LIMD1: variants seen among roughly 807,000 people sequenced by gnomAD.
The protein encoded by LIMD1 is LIM domain containing 1, also known as LIM domain-containing protein 1.
A neutral mutation model predicts 58.4 loss-of-function variants in LIMD1; 23 were observed. The observed-to-expected ratio is 0.39, with a 90% CI of 0.28 to 0.56. The LOEUF is 0.56. Among genes scored for constraint, LIMD1 ranks in the 20% least tolerant of loss-of-function variants. LIMD1 has a pLI of 0.57. For missense variants in LIMD1, 838 were observed against 855.5 expected, an observed-to-expected ratio of 0.98 and a Z score of 0.25; for synonymous variants, 334 against 345.5, an observed-to-expected ratio of 0.97 and a Z score of 0.37.
intron 2 of LIMD1, among the ~76,000 whole-genome samples, chr3:45,663,897 G>C (rs1362327477): frequency 1.1e-5 from 1 of 90,358 alleles, no homozygotes; most frequent in Non-Finnish European, 2.2e-5. Context: ...TTGAGACAGA[G>C]TCTCCCTCTG....
intron 2 of LIMD1, among the ~76,000 whole-genome samples, chr3:45,636,853 T>C (rs1701793889): frequency 6.6e-6 from 1 of 152,218 alleles, no homozygotes; most frequent in African/African-American, 2.4e-5. Context: ...GGAGTCTGGA[T>C]TGAATGGATG....
intron 4 of LIMD1, 87 bp from the exon 5 acceptor site, chr3:45,672,603 G>A: frequency 6.9e-7 from 1 of 1,455,182 alleles, no homozygotes; most frequent in Non-Finnish European, 9.5e-7. Context: ...GACTGCTCAT[G>A]TAATCCTTAG....
intron 1 of LIMD1, among the ~76,000 whole-genome samples, chr3:45,631,075 A>G (rs1169879011): frequency 6.6e-6 from 1 of 152,118 alleles, no homozygotes; most frequent in Non-Finnish European, 1.5e-5. Context: ...ATGGTGGTGC[A>G]CAACTGTAAT....
intron 2 of LIMD1, among the ~76,000 whole-genome samples, chr3:45,643,711 G>A (rs1317469420): frequency 6.6e-6 from 1 of 152,206 alleles, no homozygotes; most frequent in Non-Finnish European, 1.5e-5. Context: ...CATGGAGCAG[G>A]GGGGTGCCCA....
chr3:45,613,836 T>C (rs999877688), intron 1 of LIMD1, among the ~76,000 whole-genome samples: 4 of 152,210 alleles, frequency 2.6e-5, no homozygotes, highest in Non-Finnish European at 5.9e-5. Context: ...TTCGTTTCTC[T>C]TGGGTAAATA....
intron 6 of LIMD1, 87 bp from the exon 7 acceptor site, chr3:45,674,256 T>C (rs954515120): frequency 4.2e-6 from 4 of 958,970 alleles, no homozygotes; most frequent in Non-Finnish European, 6.7e-6. Context: ...CCCAAAACCC[T>C]CTTCCCTCCC....
chr3:45,660,405 CTTTTTTTTTT>C (rs869301368), intron 2 of LIMD1, among the ~76,000 whole-genome samples: 13 of 80,010 alleles, frequency 1.6e-4, no homozygotes, highest in African/African-American at 3.8e-4. Context: ...GGTGGGCTGT[CTTTTTTTTTT>C]TTTTTTTTTT....
intron 2 of LIMD1, among the ~76,000 whole-genome samples, 153 bp from the exon 3 acceptor site, chr3:45,665,497 A>G (rs892974381): frequency 1.3e-5 from 2 of 152,176 alleles, no homozygotes; most frequent in African/African-American, 2.4e-5. Context: ...GCCGAGGGCC[A>G]CGGCATCTTT....
At chr3:45,663,924 G>T (rs1049164022) in intron 2 of LIMD1, among the ~76,000 whole-genome samples, 17 of 144,244 alleles carry the variant, frequency 1.2e-4, no homozygotes, top group Non-Finnish European at 1.8e-4. Context: ...AGGCTGGAGT[G>T]CAGTGGCATG....
At chr3:45,634,286 A>G (rs1460031872) in intron 1 of LIMD1, among the ~76,000 whole-genome samples, 1 of 152,146 alleles carries the variant, frequency 6.6e-6, no homozygotes, top group East Asian at 1.9e-4. Flanking sequence ...CATTGTTTAC[A>G]TAATTGTGCT....
At position 45,610,396 on chromosome 3, in the gene LIMD1, C is replaced by G. The variant is rs150231370; in HGVS notation, c.1408+14109C>G. Reference sequence around the variant, plus strand: ...GACCAGAGTTACTCAGATGAGCGCTCTCATGTGGGTAGGAGATGCCTTTGG... The same window carrying G: ...GACCAGAGTTACTCAGATGAGCGCTGTCATGTGGGTAGGAGATGCCTTTGG... On this transcript the variant is annotated intron_variant, in intron 1 of 7. Transcript: ENST00000273317. Among the ~76,000 whole-genome samples, 3 of 152,238 alleles carry G rather than the reference C, an allele frequency of 2.0e-5. No homozygotes were observed. In the East Asian group the frequency reaches 5.8e-4, roughly 29 times the overall value.
At chr3:45,660,452 G>C (rs1429866828) in intron 2 of LIMD1, among the ~76,000 whole-genome samples, 1 of 117,530 alleles carries the variant, frequency 8.5e-6, no homozygotes, top group African/African-American at 3.3e-5. Flanking sequence ...GTCTCTCTCT[G>C]TCATAAAGGC....
intron 2 of LIMD1, among the ~76,000 whole-genome samples, chr3:45,652,167 T>TA (rs200365447): frequency 0.037 from 5,658 of 152,322 alleles, 116 homozygotes; most frequent in African/African-American, 0.053. Flanking sequence ...CCTCAAGTGA[T>TA]ACGCCTTCCT....
intron 2 of LIMD1, among the ~76,000 whole-genome samples, chr3:45,643,691 G>GC (rs755827490): frequency 6.6e-6 from 1 of 152,154 alleles, no homozygotes; most frequent in Non-Finnish European, 1.5e-5. Flanking sequence ...TACTCTCCCC[G>GC]CCAGAAGCCC....
chr3:45,672,719 C>A lies in LIMD1; in HGVS notation c.1671C>A (p.His557Gln). Residue 557 changes from histidine to glutamine, a missense_variant, in exon 5 of 8, where the codon CAC (histidine) becomes CAA (glutamine). By Grantham distance (24) the His-to-Gln change is conservative. Coordinates refer to ENST00000273317, the MANE Select transcript of LIMD1 (RefSeq NM_014240.3). The stretch of plus-strand genomic sequence containing the variant: ...TGCAAGCCCTGGGGAAGTCCTACCA[C>A]CCCGGCTGTTTCCGCTGTGTCATCT... Reference protein sequence around the residue: ...MILQALGKSYHPGCFRCVICN... With the variant: ...MILQALGKSYQPGCFRCVICN... The A allele has an allele frequency of 6.2e-7, 1 of 1,614,064 alleles. No homozygotes were observed. Among genetic ancestry groups the A allele is most frequent in the Non-Finnish European group, 8.5e-7 (1 of 1,179,984 alleles).
At chr3:45,664,126 C>T (rs375614506) in intron 2 of LIMD1, among the ~76,000 whole-genome samples, 3 of 152,110 alleles carry the variant, frequency 2.0e-5, no homozygotes, top group East Asian at 3.8e-4. Context: ...CTGCCTCAGC[C>T]TCCCAAAGTG....
intron 1 of LIMD1, among the ~76,000 whole-genome samples, chr3:45,609,873 T>TG (rs566806514): frequency 1.1e-3 from 175 of 152,304 alleles, no homozygotes; most frequent in African/African-American, 4.1e-3. Flanking sequence ...AGGCACTGCC[T>TG]GGCACACAGC....
chr3:45,632,536 A>G, intron 1 of LIMD1: 7 of 985,398 alleles, frequency 7.1e-6, no homozygotes, highest in Non-Finnish European at 8.4e-6. Context: ...TGTGCCCAAG[A>G]TACAAGGAAG....
chr3:45,642,956 G>A (rs1701861945), intron 2 of LIMD1, among the ~76,000 whole-genome samples: 1 of 152,192 alleles, frequency 6.6e-6, no homozygotes. Context: ...CACCCCAGGC[G>A]GCCATGCCCC....
Sources: allele counts gnomAD v4.1 joint callset (sites outside exome capture counted in the v4.1 genomes callset), GRCh38; gene constraint gnomAD v4.1.1; transcripts MANE v1.5; gene names NCBI Gene and HGNC (gene_info 2026-07-23, HGNC 2026-07-21).